Variants in CLSTN2 observed in about 807,000 individuals in gnomAD.
CLSTN2 encodes calsyntenin 2, also known as calsyntenin-2.
A neutral mutation model predicts 101.2 loss-of-function variants in CLSTN2; 48 were observed. The ratio of observed to expected loss-of-function variants is 0.47; its 90% CI spans 0.38 to 0.60. The LOEUF (loss-of-function observed/expected upper bound fraction) is 0.60, where lower values mean the gene tolerates loss of function less well. Among genes scored for constraint, CLSTN2 ranks in the 20% least tolerant of loss-of-function variants. The pLI, the probability that CLSTN2 is intolerant of heterozygous loss-of-function variation, is 0.00. For synonymous variants in CLSTN2, 481 were observed against 463.6 expected (o/e 1.04, Z -0.48); for missense variants, 1,160 against 1,238.2 (o/e 0.94, Z 0.95).
In CLSTN2 at chr3:140,568,106, A is replaced by G. The variant is rs772615354; in HGVS notation, c.*1853A>G. 1.3e-5 allele frequency: 2 copies of G among 152,254 alleles called. No individual in the cohort carries two copies. The highest frequency in any genetic ancestry group is 2.9e-5 in the Non-Finnish European group (2 of 68,050). The allele number at this position is 152,254 out of a possible 1,614,324, so 9.4% of individuals were successfully genotyped here. A position where few individuals can be genotyped will look rare whatever the true frequency, so the allele number is the denominator to read the frequency against. ...CTTGTTCAGAGTCATTCAAAAGTAT[A>G]GACAAGACCAGTCTCCCCAACTTCC... On this transcript the variant is annotated 3_prime_UTR_variant, in exon 17 of 17. Transcript: ENST00000458420.
intron 8 of CLSTN2, among the ~76,000 whole-genome samples, chr3:140,520,942 C>G (rs1935010997): frequency 6.6e-6 from 1 of 151,972 alleles, no homozygotes; most frequent in African/African-American, 2.4e-5. Context: ...TTGGTCTATT[C>G]TGTTATTGAT....
intron 2 of CLSTN2, among the ~76,000 whole-genome samples, chr3:140,190,997 C>A (rs139056394): frequency 9.2e-5 from 14 of 152,140 alleles, no homozygotes; most frequent in African/African-American, 3.4e-4. Context: ...TGTTCCCAGT[C>A]TCAGGGGAAA....
At chr3:140,031,374 G>T (rs1446328075) in intron 1 of CLSTN2, among the ~76,000 whole-genome samples, 1 of 152,202 alleles carries the variant, frequency 6.6e-6, no homozygotes, top group Non-Finnish European at 1.5e-5. Context: ...GGCATTGGCT[G>T]CCTAAACCCT....
At chr3:139,953,760 C>A (rs939591001) in intron 1 of CLSTN2, among the ~76,000 whole-genome samples, 12 of 152,182 alleles carry the variant, frequency 7.9e-5, no homozygotes, top group Admixed American at 3.9e-4. Context: ...TTGCTTCTAG[C>A]CTTTACTGGC....
intron 2 of CLSTN2, among the ~76,000 whole-genome samples, chr3:140,207,508 G>C (rs1381275985): frequency 6.6e-6 from 1 of 152,076 alleles, no homozygotes; most frequent in Non-Finnish European, 1.5e-5. Context: ...CTTTCCTCAG[G>C]AACTTGTTTT....
chr3:140,329,562 A>G (rs1202267276), intron 2 of CLSTN2, among the ~76,000 whole-genome samples: 1 of 152,198 alleles, frequency 6.6e-6, no homozygotes, highest in Non-Finnish European at 1.5e-5. Flanking sequence ...GGATTGAGAT[A>G]TGGCTTATAA....
chr3:140,285,862 G>C (rs933523228), intron 2 of CLSTN2, among the ~76,000 whole-genome samples: 1 of 152,136 alleles, frequency 6.6e-6, no homozygotes, highest in Admixed American at 6.5e-5. Flanking sequence ...GTCAAAACTG[G>C]AACAATACTG....
rs547191130 is a variant in CLSTN2, at chr3:140,446,587, C to T, written c.788-1932C>T. Among the ~76,000 whole-genome samples, 5 of 152,304 alleles carry T rather than the reference C, an allele frequency of 3.3e-5. No individual in the cohort carries two copies. In the South Asian group the frequency reaches 1.0e-3, roughly 32 times the overall value. On this transcript the variant is annotated intron_variant, in intron 5 of 16. Coordinates refer to ENST00000458420, the MANE Select transcript of CLSTN2 (RefSeq NM_022131.3). ...ACTGCATGCTATGTACACATTTTCACACTCAATCCTTACCTCAATACTATT... is the reference window on the plus strand; with the variant it reads ...ACTGCATGCTATGTACACATTTTCATACTCAATCCTTACCTCAATACTATT...
intron 2 of CLSTN2, among the ~76,000 whole-genome samples, chr3:140,264,375 A>AATATATATATATAT (rs61248635): frequency 1.0e-4 from 10 of 98,536 alleles, no homozygotes; most frequent in East Asian, 8.5e-4. Flanking sequence ...TAATGAATCA[A>AATATATATATATAT]ATATATATAT....
At chr3:140,344,071 C>T (rs780123524) in intron 2 of CLSTN2, among the ~76,000 whole-genome samples, 1 of 152,200 alleles carries the variant, frequency 6.6e-6, no homozygotes, top group Non-Finnish European at 1.5e-5. Flanking sequence ...TCTTCTCCAG[C>T]GTCCTCTCTT....
At chr3:140,484,900 T>C (rs1205201166) in intron 8 of CLSTN2, among the ~76,000 whole-genome samples, 1 of 152,178 alleles carries the variant, frequency 6.6e-6, no homozygotes. Context: ...TTGCCATGGG[T>C]TCGAACTTCC....
At chr3:139,940,031 G>A (rs895401939) in intron 1 of CLSTN2, among the ~76,000 whole-genome samples, 1 of 152,076 alleles carries the variant, frequency 6.6e-6, no homozygotes, top group Non-Finnish European at 1.5e-5. Flanking sequence ...TCCCAGGCTG[G>A]TTACTTCTGA....
intron 8 of CLSTN2, among the ~76,000 whole-genome samples, chr3:140,471,239 A>C (rs1250418877): frequency 1.3e-5 from 2 of 152,170 alleles, no homozygotes; most frequent in African/African-American, 2.4e-5. Flanking sequence ...AGGTTGACTA[A>C]CTTGCAGCCC....
chr3:140,489,406 A>C (rs554972346), intron 8 of CLSTN2, among the ~76,000 whole-genome samples: 71 of 152,318 alleles, frequency 4.7e-4, no homozygotes, highest in African/African-American at 1.6e-3. Context: ...TGTGTGCTAG[A>C]GAGTTTTCTG....
intron 1 of CLSTN2, among the ~76,000 whole-genome samples, chr3:140,042,500 C>T (rs2007780611): frequency 6.6e-6 from 1 of 152,106 alleles, no homozygotes; most frequent in South Asian, 2.1e-4. Context: ...AGCCCAGATG[C>T]TTAATGACAG....
chr3:140,046,027 T>C (rs1393784586), intron 1 of CLSTN2, among the ~76,000 whole-genome samples: 1 of 152,204 alleles, frequency 6.6e-6, no homozygotes, highest in Non-Finnish European at 1.5e-5. Context: ...TAAATGTCTA[T>C]TAGGTCCGCT....
chr3:140,253,658 C>A (rs2086581842), intron 2 of CLSTN2, among the ~76,000 whole-genome samples: 1 of 152,126 alleles, frequency 6.6e-6, no homozygotes, highest in South Asian at 2.1e-4. Flanking sequence ...TTTGCCAAAA[C>A]AGGCCTGGCT....
At chr3:140,453,266 C>G (rs1933293475) in intron 6 of CLSTN2, 1 of 152,154 alleles carries the variant, frequency 6.6e-6, no homozygotes, top group South Asian at 2.1e-4. Context: ...GAGTGAAGAA[C>G]ACTGAGGGCA....
intron 1 of CLSTN2, among the ~76,000 whole-genome samples, chr3:140,012,456 C>T (rs765590121): frequency 6.6e-5 from 10 of 152,168 alleles, no homozygotes; most frequent in Non-Finnish European, 8.8e-5. Context: ...TTCCTGCCTT[C>T]GACTCTTAGC....
Sources: allele counts gnomAD v4.1 joint callset (sites outside exome capture counted in the v4.1 genomes callset), GRCh38; gene constraint gnomAD v4.1.1; transcripts MANE v1.5; gene names NCBI Gene and HGNC (gene_info 2026-07-23, HGNC 2026-07-21).